Variants in STIM2 observed in about 807,000 individuals in gnomAD.
The protein encoded by STIM2 is stromal interaction molecule 2.
Under a neutral mutation model 85.8 loss-of-function variants are expected in STIM2, and 31 were observed. That is an observed-to-expected ratio of 0.36 (90% CI 0.27 to 0.49). The LOEUF (loss-of-function observed/expected upper bound fraction) is 0.49, where lower values mean the gene tolerates loss of function less well. STIM2 is among the 20% of genes least tolerant of loss of function. The pLI is 0.98. For synonymous variants in STIM2, 356 were observed against 331.1 expected (o/e 1.08, Z -0.82); for missense variants, 841 against 927.6 (o/e 0.91, Z 1.21).
intron 1 of STIM2, among the ~76,000 whole-genome samples, chr4:26,913,106 T>G (rs905716228): frequency 1.3e-5 from 2 of 152,170 alleles, no homozygotes; most frequent in African/African-American, 2.4e-5. Context: ...ATTTCCTGTT[T>G]ATGTTTATTC....
chr4:26,919,413 A>T, intron 1 of STIM2, 91 bp from the exon 2 acceptor site: 1 of 1,541,384 alleles, frequency 6.5e-7, no homozygotes, highest in African/African-American at 1.4e-5. Context: ...TCTGAAGTTT[A>T]ATTCTGTTGG....
chr4:27,003,497 A>G (rs976238166), intron 7 of STIM2, among the ~76,000 whole-genome samples: 1 of 152,204 alleles, frequency 6.6e-6, no homozygotes, highest in Non-Finnish European at 1.5e-5. Flanking sequence ...ATCCTGTTAA[A>G]TAGTTTTAGA....
intron 4 of STIM2, among the ~76,000 whole-genome samples, chr4:26,997,852 T>TA (rs1728014148): frequency 1.3e-5 from 2 of 152,180 alleles, no homozygotes; most frequent in Non-Finnish European, 2.9e-5. Flanking sequence ...GAGGGAATGT[T>TA]ACAGTTCTTT....
intron 3 of STIM2, among the ~76,000 whole-genome samples, chr4:26,986,520 C>G (rs1168080537): frequency 1.3e-5 from 2 of 152,116 alleles, no homozygotes; most frequent in Non-Finnish European, 2.9e-5. Context: ...GTAAGATTGC[C>G]TTTTACACAT....
intron 1 of STIM2, among the ~76,000 whole-genome samples, chr4:26,894,972 A>T (rs944977270): frequency 6.6e-6 from 1 of 152,178 alleles, no homozygotes; most frequent in Non-Finnish European, 1.5e-5. Context: ...AGCACTTTGG[A>T]AGGCCAAGGT....
At chr4:26,961,910 A>C (rs1726488509) in intron 3 of STIM2, among the ~76,000 whole-genome samples, 2 of 152,082 alleles carry the variant, frequency 1.3e-5, no homozygotes, top group African/African-American at 4.8e-5. Flanking sequence ...TACCACCACG[A>C]CTGGCTTATT....
At chr4:26,884,329 G>T (rs1277673158) in intron 1 of STIM2, among the ~76,000 whole-genome samples, 1 of 152,210 alleles carries the variant, frequency 6.6e-6, no homozygotes, top group Non-Finnish European at 1.5e-5. Context: ...GAGCAATAAA[G>T]ATCAGTATAG....
At chr4:26,869,989 A>C (rs1440583142) in intron 1 of STIM2, among the ~76,000 whole-genome samples, 1 of 152,048 alleles carries the variant, frequency 6.6e-6, no homozygotes, top group Admixed American at 6.5e-5. Context: ...AAAAAGAAGA[A>C]AATCCTGCCA....
intron 1 of STIM2, among the ~76,000 whole-genome samples, chr4:26,870,039 A>C (rs1449068766): frequency 6.6e-6 from 1 of 152,170 alleles, no homozygotes; most frequent in African/African-American, 2.4e-5. Context: ...CATTATGCTA[A>C]GTGAAGTAAC....
At chr4:26,990,997 A>G (rs542028059) in intron 3 of STIM2, among the ~76,000 whole-genome samples, 3 of 152,184 alleles carry the variant, frequency 2.0e-5, no homozygotes, top group Non-Finnish European at 2.9e-5. Context: ...GTAAAGTAGT[A>G]CAGTTATTAA....
At chr4:27,014,644 A>G (rs1222144045) in intron 10 of STIM2, among the ~76,000 whole-genome samples, 1 of 151,884 alleles carries the variant, frequency 6.6e-6, no homozygotes, top group Non-Finnish European at 1.5e-5. Flanking sequence ...ATATCTGGAA[A>G]TTACATTTTC....
chr4:26,975,087 T>A (rs1560226251), intron 3 of STIM2, among the ~76,000 whole-genome samples: 1 of 152,000 alleles, frequency 6.6e-6, no homozygotes, highest in Non-Finnish European at 1.5e-5. Context: ...TTCAGCTCCA[T>A]CAGGTCATTT....
rs114327573 is a variant in STIM2 at position 26,894,632 on chromosome 4, T to C, written c.152-24872T>C. Among the ~76,000 whole-genome samples, 1,227 of 152,262 alleles carry C rather than the reference T, an allele frequency of 8.1e-3. 18 individuals carry two copies. The highest frequency in any genetic ancestry group is 0.028 in the African/African-American group (1,143 of 41,550). On this transcript the variant is annotated intron_variant, in intron 1 of 11. Coordinates refer to ENST00000467087, the MANE Select transcript of STIM2 (RefSeq NM_020860.4). ...TGTCTGTATGTGTGTGAGTCTGTTC[T>C]GGGCTCTTTATTTTTTCACTGATCT...
At chr4:26,929,697 T>G (rs1725132498) in intron 2 of STIM2, among the ~76,000 whole-genome samples, 1 of 152,156 alleles carries the variant, frequency 6.6e-6, no homozygotes, top group African/African-American at 2.4e-5. Flanking sequence ...TTTTTATAAT[T>G]TATTTAATAT....
intron 3 of STIM2, among the ~76,000 whole-genome samples, chr4:26,972,150 T>C (rs927247397): frequency 2.0e-5 from 3 of 152,194 alleles, no homozygotes; most frequent in African/African-American, 7.2e-5. Flanking sequence ...GCTGAGATCA[T>C]GGGATTTTCT....
intron 2 of STIM2, among the ~76,000 whole-genome samples, chr4:26,955,122 G>A (rs1726198396): frequency 6.9e-6 from 1 of 145,696 alleles, no homozygotes; most frequent in African/African-American, 2.6e-5. Flanking sequence ...TACCATATGA[G>A]CTATAGGTAT....
At chr4:26,920,000 C>T (rs1001066609) in intron 2 of STIM2, among the ~76,000 whole-genome samples, 11 of 152,092 alleles carry the variant, frequency 7.2e-5, no homozygotes, top group South Asian at 2.1e-4. Context: ...GATCACTGGC[C>T]CCAGCTGAGC....
rs114508942 is a variant in STIM2 at position 27,013,423 on chromosome 4, A to G, written c.1490-4288A>G. On this transcript the variant is annotated intron_variant, in intron 10 of 11. Transcript: ENST00000467087. ...CATAGTGTGTATAGAGTTTGGGACT[A>G]TCCATGGTTTCAGGCATCCACTGGG... 5.5e-3 allele frequency among the ~76,000 whole-genome samples: 837 copies of G among 152,160 alleles called. 8 individuals carry two copies. The highest frequency in any genetic ancestry group is 0.019 in the African/African-American group (795 of 41,550).
intron 2 of STIM2, among the ~76,000 whole-genome samples, chr4:26,945,721 A>T: frequency 6.6e-6 from 1 of 151,994 alleles, no homozygotes; most frequent in African/African-American, 2.4e-5. Context: ...CTTTTTTCAT[A>T]TGCTTGTTGG....
Sources: gnomAD v4.1 joint callset for allele counts (sites outside exome capture counted in the v4.1 genomes callset) on GRCh38, gnomAD v4.1.1 for gene constraint, MANE v1.5 for transcripts, NCBI Gene and HGNC (gene_info 2026-07-23, HGNC 2026-07-21) for gene names.